Variants in TMEM165 observed in about 807,000 individuals in gnomAD.
TMEM165 encodes transmembrane protein 165.
TMEM165 carries 19 observed loss-of-function variants against 30.0 expected under a neutral mutation model. The observed-to-expected ratio is 0.63, with a 90% CI of 0.44 to 0.93. The LOEUF (loss-of-function observed/expected upper bound fraction) is 0.93. Ranked by LOEUF, TMEM165 falls within the 40% of genes least tolerant of loss-of-function variation. TMEM165 has a pLI of 0.00. For missense variants in TMEM165, 340 were observed against 417.0 expected (o/e 0.82, Z 1.61); for synonymous variants, 168 against 162.9 (o/e 1.03, Z -0.24).
chr4:55,407,031 A>G lies in TMEM165; in HGVS notation c.208-4583A>G, dbSNP rs144506110. 6.6e-5 allele frequency among the ~76,000 whole-genome samples: 10 copies of G among 152,362 alleles called. No homozygotes were observed. The East Asian group carries it at 1.9e-3, about 29-fold the overall frequency. On this transcript the variant is annotated intron_variant, in intron 1 of 5. Coordinates refer to ENST00000381334, the MANE Select transcript of TMEM165 (RefSeq NM_018475.5). ...ACATATTTGTAATCCGAAAAGGTCAATTCCTTGAGTGTTTCTGTCTTGAAC... is the reference window on the plus strand; with the variant it reads ...ACATATTTGTAATCCGAAAAGGTCAGTTCCTTGAGTGTTTCTGTCTTGAAC...
chr4:55,449,165 C>T (rs1426354129), intron 3 of TMEM165, among the ~76,000 whole-genome samples: 1 of 86,958 alleles, frequency 1.1e-5, no homozygotes, highest in Non-Finnish European at 2.3e-5. Context: ...TTGAGCTTTC[C>T]ACAATTAAAA....
At chr4:55,411,486 T>TG in intron 1 of TMEM165, 128 bp from the exon 2 acceptor site, 1 of 787,188 alleles carries the variant, frequency 1.3e-6, no homozygotes, top group Non-Finnish European at 2.0e-6. Flanking sequence ...GCTTTCAGAG[T>TG]GATTAGACAG....
rs377398930 is a variant in TMEM165 at position 55,450,373 on chromosome 4, G to A, written c.409-1866G>A. On this transcript the variant is annotated intron_variant, in intron 3 of 3. Coordinates refer to the TMEM165 transcript ENST00000608091. ...ACCTGTATGTACATACACATGTAAA[G>A]AAATGAAAATTTATGTGTTATAGCC... 9.6e-5 allele frequency: 86 copies of A among 900,128 alleles called. No homozygotes were observed. The African/African-American group carries it at 1.2e-3, about 12-fold the overall frequency. The allele number at this position is 900,128 out of a possible 1,614,324, so 55.8% of individuals were successfully genotyped here.
chr4:55,438,407 G>T (rs2109648008), intron 3 of TMEM165: 1 of 1,613,948 alleles, frequency 6.2e-7, no homozygotes, highest in East Asian at 2.2e-5. Flanking sequence ...TGTGACTGTT[G>T]CTGTTGTGTA....
At chr4:55,430,851 T>G (rs1192978148), downstream of TMEM165, 3 of 152,202 alleles carry the variant, frequency 2.0e-5, no homozygotes, top group East Asian at 5.8e-4. Context: ...ATAGGCAAGA[T>G]AGGTTTACAA....
downstream of TMEM165, chr4:55,429,405 GAAGGATCCTCA>G (rs1292794578): frequency 2.6e-5 from 4 of 152,144 alleles, no homozygotes; most frequent in South Asian, 4.1e-4. Context: ...TTGTGAGCAA[GAAGGATCCTCA>G]AATGTCTAGG....
chr4:55,418,013 T>C, intron 4 of TMEM165, 28 bp downstream of exon 4: 1 of 1,567,250 alleles, frequency 6.4e-7, no homozygotes. Flanking sequence ...GGAGACTGTT[T>C]AAAATGAAAC....
At chr4:55,448,592 G>GCA (rs72445552) in intron 3 of TMEM165, among the ~76,000 whole-genome samples, 16 of 130,916 alleles carry the variant, frequency 1.2e-4, no homozygotes, top group South Asian at 2.7e-4. Context: ...GTGCGCGCGC[G>GCA]CACGCGCGCG....
intron 3 of TMEM165, chr4:55,443,625 C>T: frequency 8.0e-7 from 1 of 1,256,806 alleles, no homozygotes; most frequent in Non-Finnish European, 1.2e-6. Flanking sequence ...ATTTCTGCTT[C>T]AGCAATAGTG....
intron 1 of TMEM165, among the ~76,000 whole-genome samples, chr4:55,409,186 A>C (rs920653387): frequency 6.6e-6 from 1 of 152,204 alleles, no homozygotes; most frequent in Non-Finnish European, 1.5e-5. Context: ...AATACTTTCC[A>C]TTTTGTTAAA....
rs544393497 is a variant in TMEM165 at position 55,402,042 on chromosome 4, C to T, written c.207+5646C>T. On this transcript the variant is annotated intron_variant, in intron 1 of 5. Coordinates refer to ENST00000381334, the MANE Select transcript of TMEM165 (RefSeq NM_018475.5). Reference sequence around the variant, plus strand: ...CTGAGGCAGGAGAATCGCTTGAGCCCGGGAGGTGGAGGTTGCAGTGAACCA... The same window carrying T: ...CTGAGGCAGGAGAATCGCTTGAGCCTGGGAGGTGGAGGTTGCAGTGAACCA... Among the ~76,000 whole-genome samples, 177 of 141,972 alleles carry T rather than the reference C, an allele frequency of 1.2e-3. 2 individuals carry two copies. The highest frequency in any genetic ancestry group is 1.7e-3 in the Non-Finnish European group (116 of 67,192). The allele number at this position is 141,972 out of a possible 152,430, so 93.1% of individuals were successfully genotyped here. A position where few individuals can be genotyped will look rare whatever the true frequency, so the allele number is the denominator to read the frequency against.
At chr4:55,403,498 C>CTT (rs71194555) in intron 1 of TMEM165, among the ~76,000 whole-genome samples, 1 of 133,832 alleles carries the variant, frequency 7.5e-6, no homozygotes, top group Non-Finnish European at 1.5e-5. Flanking sequence ...TTTTCTTTTT[C>CTT]TTTTTTTTTT....
At chr4:55,441,817 G>GT (rs1313900282) in intron 3 of TMEM165, among the ~76,000 whole-genome samples, 1 of 152,130 alleles carries the variant, frequency 6.6e-6, no homozygotes, top group African/African-American at 2.4e-5. Flanking sequence ...ATAGATGGTT[G>GT]TTTTTCCAGA....
chr4:55,421,400 A>G (rs2109560532), intron 4 of TMEM165, among the ~76,000 whole-genome samples: 1 of 147,614 alleles, frequency 6.8e-6, no homozygotes, highest in Admixed American at 6.9e-5. Flanking sequence ...TCCTGGGCTC[A>G]AGCCATCCTC....
At chr4:55,415,859 C>A (rs891330394) in intron 2 of TMEM165, 1 of 144,418 alleles carries the variant, frequency 6.9e-6, no homozygotes, top group Non-Finnish European at 1.5e-5. Flanking sequence ...TTCTTTCTTT[C>A]TTTTTTTTTT....
At chr4:55,418,114 A>G in intron 4 of TMEM165, 129 bp downstream of exon 4, 2 of 823,398 alleles carry the variant, frequency 2.4e-6, no homozygotes, top group Non-Finnish European at 3.5e-6. Context: ...TACATCTGAT[A>G]ATTCAGCTGC....
chr4:55,424,895 A>G (rs1214079186), intron 5 of TMEM165: 2 of 445,806 alleles, frequency 4.5e-6, no homozygotes, highest in African/African-American at 4.1e-5. Flanking sequence ...TCTTAGTAAA[A>G]CAATTGTCAT....
chr4:55,421,904 T>C (rs1721989338), intron 4 of TMEM165, among the ~76,000 whole-genome samples: 1 of 78,346 alleles, frequency 1.3e-5, no homozygotes, highest in Admixed American at 1.6e-4. Flanking sequence ...TTTTTTCTCA[T>C]CCTTTAAAAA....
At chr4:55,448,574 TTA>T (rs1192249629) in intron 3 of TMEM165, among the ~76,000 whole-genome samples, 6 of 148,618 alleles carry the variant, frequency 4.0e-5, no homozygotes, top group Non-Finnish European at 8.9e-5. Context: ...GTAACTATAA[TTA>T]TATATGTGCG....
Sources: allele counts gnomAD v4.1 joint callset (sites outside exome capture counted in the v4.1 genomes callset), GRCh38; gene constraint gnomAD v4.1.1; transcripts MANE v1.5; gene names NCBI Gene and HGNC (gene_info 2026-07-23, HGNC 2026-07-21).